GMDS: variants seen among roughly 807,000 people sequenced by gnomAD.
The protein encoded by GMDS is GDP-mannose 4,6-dehydratase, also known as GDP-mannose 4,6 dehydratase.
GMDS carries 20 observed loss-of-function variants against 49.9 expected under a neutral mutation model. The ratio of observed to expected loss-of-function variants is 0.40; its 90% CI spans 0.28 to 0.58. The LOEUF (loss-of-function observed/expected upper bound fraction) is 0.58. Among genes scored for constraint, GMDS ranks in the 20% least tolerant of loss-of-function variants. GMDS has a pLI of 0.42. For missense variants in GMDS, 362 were observed against 481.4 expected (o/e 0.75, Z 2.32); for synonymous variants, 177 against 178.6 (o/e 0.99, Z 0.07).
At chr6:1,771,262 G>A (rs994948014) in intron 7 of GMDS, among the ~76,000 whole-genome samples, 3 of 152,092 alleles carry the variant, frequency 2.0e-5, no homozygotes, top group Admixed American at 2.0e-4. Context: ...CTGTGCTGGG[G>A]GTTTCTTTGT....
At chr6:2,034,079 T>C (rs1184341322) in intron 4 of GMDS, among the ~76,000 whole-genome samples, 3 of 152,198 alleles carry the variant, frequency 2.0e-5, no homozygotes, top group African/African-American at 7.2e-5. Context: ...TAATGATAAA[T>C]AGATATATGT....
intron 9 of GMDS, among the ~76,000 whole-genome samples, chr6:1,713,194 A>T (rs1303350863): frequency 1.3e-5 from 2 of 152,250 alleles, no homozygotes; most frequent in Admixed American, 1.3e-4. Flanking sequence ...GGTGGGCGCT[A>T]GCCTTTTCAT....
At chr6:2,216,478 G>A (rs975058834) in intron 1 of GMDS, among the ~76,000 whole-genome samples, 1 of 152,200 alleles carries the variant, frequency 6.6e-6, no homozygotes, top group Non-Finnish European at 1.5e-5. Context: ...ATTACATGGA[G>A]GTGTGTGCAG....
chr6:2,207,138 G>A (rs936253571), intron 1 of GMDS, among the ~76,000 whole-genome samples: 2 of 152,204 alleles, frequency 1.3e-5, no homozygotes, highest in African/African-American at 2.4e-5. Flanking sequence ...GTCAAGAACT[G>A]CTGATTACGG....
At chr6:2,100,874 T>C (rs1399970062) in intron 4 of GMDS, among the ~76,000 whole-genome samples, 2 of 152,062 alleles carry the variant, frequency 1.3e-5, no homozygotes, top group East Asian at 1.9e-4. Context: ...CATATAGAAA[T>C]GTAATTCTTA....
intron 7 of GMDS, among the ~76,000 whole-genome samples, chr6:1,775,272 A>G (rs1768751837): frequency 6.6e-6 from 1 of 152,190 alleles, no homozygotes; most frequent in Non-Finnish European, 1.5e-5. Flanking sequence ...ATTTGGAGAT[A>G]CTGGAAGAGC....
intron 1 of GMDS, among the ~76,000 whole-genome samples, chr6:2,153,900 TAG>T (rs1776972505): frequency 6.6e-6 from 1 of 152,162 alleles, no homozygotes. Context: ...CAGAAATTTG[TAG>T]AGGTTAGACA....
intron 1 of GMDS, among the ~76,000 whole-genome samples, chr6:2,195,821 A>C (rs62392581): frequency 7.1e-6 from 1 of 140,498 alleles, no homozygotes; most frequent in South Asian, 2.2e-4. Flanking sequence ...TGTCTCTACC[A>C]AAAAAAAAAA....
intron 4 of GMDS, among the ~76,000 whole-genome samples, chr6:2,016,097 A>AAC (rs1454220410): frequency 4.6e-5 from 7 of 150,616 alleles, no homozygotes; most frequent in South Asian, 2.1e-4. Flanking sequence ...TAAAAAAAAA[A>AAC]AAAACAGAAA....
At chr6:1,633,307 A>T (rs1763050311) in intron 9 of GMDS, among the ~76,000 whole-genome samples, 1 of 152,200 alleles carries the variant, frequency 6.6e-6, no homozygotes, top group Admixed American at 6.5e-5. Flanking sequence ...AACAGAGTGT[A>T]GAAGATTTTG....
intron 1 of GMDS, among the ~76,000 whole-genome samples, chr6:2,233,006 G>A (rs920277509): frequency 6.6e-6 from 1 of 152,206 alleles, no homozygotes; most frequent in African/African-American, 2.4e-5. Context: ...GAGGGGATGG[G>A]GAGTGACTGA....
intron 9 of GMDS, among the ~76,000 whole-genome samples, chr6:1,703,816 T>C (rs1324955851): frequency 6.6e-6 from 1 of 152,264 alleles, no homozygotes; most frequent in Non-Finnish European, 1.5e-5. Flanking sequence ...TGTTTTATTT[T>C]TGGCACACTG....
At chr6:1,839,463 A>G (rs1280834560) in intron 7 of GMDS, among the ~76,000 whole-genome samples, 1 of 152,160 alleles carries the variant, frequency 6.6e-6, no homozygotes, top group Admixed American at 6.6e-5. Context: ...TTGGTGAAAT[A>G]TACCCTGGAT....
chr6:1,696,297 T>C (rs1304644655), intron 9 of GMDS, among the ~76,000 whole-genome samples: 1 of 152,260 alleles, frequency 6.6e-6, no homozygotes, highest in African/African-American at 2.4e-5. Context: ...AGCGCAGTCC[T>C]CCCTGAGCAA....
intron 7 of GMDS, among the ~76,000 whole-genome samples, chr6:1,811,498 A>G (rs559504185): frequency 6.6e-6 from 1 of 151,174 alleles, no homozygotes; most frequent in Non-Finnish European, 1.5e-5. Flanking sequence ...ATTTTATTGT[A>G]TCTTTAAGAC....
At chr6:1,732,643 A>T (rs1469229032) in intron 8 of GMDS, among the ~76,000 whole-genome samples, 1 of 152,236 alleles carries the variant, frequency 6.6e-6, no homozygotes, top group Non-Finnish European at 1.5e-5. Context: ...ACAAATAATT[A>T]TCTTTAAATA....
At chr6:1,931,250 G>A (rs540668766) in intron 6 of GMDS, among the ~76,000 whole-genome samples, 1 of 152,288 alleles carries the variant, frequency 6.6e-6, no homozygotes, top group South Asian at 2.1e-4. Context: ...AAGCAGGGAG[G>A]CAAATATTAT....
chr6:2,071,582 C>A (rs1187576465), intron 4 of GMDS, among the ~76,000 whole-genome samples: 2 of 151,838 alleles, frequency 1.3e-5, no homozygotes, highest in African/African-American at 4.8e-5. Flanking sequence ...AAAAATGTAC[C>A]CAAAGGCAGC....
chr6:1,761,633 C>T (rs1428957489), intron 7 of GMDS, among the ~76,000 whole-genome samples: 1 of 152,164 alleles, frequency 6.6e-6, no homozygotes, highest in East Asian at 1.9e-4. Flanking sequence ...TTTGCCTGAA[C>T]ACTAATTTAA....
Sources: gnomAD v4.1 joint callset for allele counts (sites outside exome capture counted in the v4.1 genomes callset) on GRCh38, gnomAD v4.1.1 for gene constraint, MANE v1.5 for transcripts, NCBI Gene and HGNC (gene_info 2026-07-23, HGNC 2026-07-21) for gene names.